SMYD3: variants seen among roughly 807,000 people sequenced by gnomAD.
The protein encoded by SMYD3 is SET and MYND domain containing 3.
Under a neutral mutation model 57.7 loss-of-function variants are expected in SMYD3, and 36 were observed. The ratio of observed to expected loss-of-function variants is 0.62; its 90% CI spans 0.48 to 0.82. The LOEUF (loss-of-function observed/expected upper bound fraction) is 0.82, where lower values mean the gene tolerates loss of function less well. Among genes scored for constraint, SMYD3 ranks in the 40% least tolerant of loss-of-function variants. The pLI is 0.00. For missense variants in SMYD3, 515 were observed against 538.8 expected (o/e 0.96, Z 0.44); for synonymous variants, 211 against 195.0 (o/e 1.08, Z -0.68).
intron 1 of SMYD3, among the ~76,000 whole-genome samples, chr1:246,414,045 G>A (rs1488715389): frequency 6.6e-6 from 1 of 152,174 alleles, no homozygotes; most frequent in African/African-American, 2.4e-5. Flanking sequence ...GTCTGTGGGT[G>A]GAAAGAGGGG....
chr1:246,060,108 CA>C (rs1459362116), intron 5 of SMYD3, among the ~76,000 whole-genome samples: 1 of 151,956 alleles, frequency 6.6e-6, no homozygotes, highest in Non-Finnish European at 1.5e-5. Context: ...GGCAACATTA[CA>C]AGACCTTGTC....
intron 10 of SMYD3, among the ~76,000 whole-genome samples, chr1:245,781,160 T>C (rs2046812519): frequency 6.6e-6 from 1 of 152,284 alleles, no homozygotes; most frequent in South Asian, 2.1e-4. Context: ...TAAAAATGGA[T>C]TGTGAGAATT....
chr1:246,183,589 A>AC (rs1189093215), intron 5 of SMYD3, among the ~76,000 whole-genome samples: 1 of 148,432 alleles, frequency 6.7e-6, no homozygotes, highest in East Asian at 2.0e-4. Flanking sequence ...TCCAGCACCA[A>AC]AAAAAAAAAG....
intron 10 of SMYD3, among the ~76,000 whole-genome samples, chr1:245,829,972 T>C (rs6672718): frequency 0.95 from 144,179 of 152,048 alleles, 68,845 homozygotes; most frequent in East Asian, 1. Context: ...GCTGGGGAGA[T>C]GGGGTATGAC....
intron 5 of SMYD3, among the ~76,000 whole-genome samples, chr1:246,072,761 C>A (rs899132113): frequency 7.9e-5 from 12 of 151,864 alleles, no homozygotes; most frequent in African/African-American, 2.9e-4. Flanking sequence ...CCAGAGGGAA[C>A]AAACACAGAT....
intron 5 of SMYD3, chr1:246,326,469 A>T (rs2065351846): frequency 9.9e-5 from 44 of 446,174 alleles, no homozygotes; most frequent in Non-Finnish European, 1.4e-4. Flanking sequence ...GAATCATTTA[A>T]AAAAAAAAAA....
At chr1:246,076,590 G>C (rs2060551385) in intron 5 of SMYD3, among the ~76,000 whole-genome samples, 1 of 151,740 alleles carries the variant, frequency 6.6e-6, no homozygotes, top group Non-Finnish European at 1.5e-5. Context: ...AGCCAAAATA[G>C]TAAAAAATAA....
chr1:245,763,474 G>A (rs572992677), intron 11 of SMYD3, among the ~76,000 whole-genome samples: 162 of 152,294 alleles, frequency 1.1e-3, no homozygotes, highest in African/African-American at 3.4e-3. Context: ...GTTGTGATGC[G>A]GAGAGCACTT....
intron 5 of SMYD3, among the ~76,000 whole-genome samples, chr1:245,945,436 A>T (rs2057400291): frequency 6.6e-6 from 1 of 152,112 alleles, no homozygotes; most frequent in African/African-American, 2.4e-5. Flanking sequence ...AATCTCACCC[A>T]CTCAGAATGG....
chr1:246,461,834 C>T (rs1436545539), intron 1 of SMYD3, among the ~76,000 whole-genome samples: 1 of 152,066 alleles, frequency 6.6e-6, no homozygotes, highest in African/African-American at 2.4e-5. Context: ...TTCACAGAGC[C>T]ACACACTTTT....
rs188474190 is a variant in SMYD3 at position 245,844,457 on chromosome 1, G to A, written c.1076+14039C>T. Among the ~76,000 whole-genome samples, 275 of 152,284 alleles carry A rather than the reference G, an allele frequency of 1.8e-3. 1 individual carries two copies. The highest frequency in any genetic ancestry group is 5.9e-3 in the Admixed American group (90 of 15,298). Reference sequence around the variant, plus strand: ...TGAACGAAGAAATCCAATTCAAATAGGCTGACGAAGTAAAAATAAAGTTTA... The same window carrying A: ...TGAACGAAGAAATCCAATTCAAATAAGCTGACGAAGTAAAAATAAAGTTTA... On this transcript the variant is annotated intron_variant, in intron 10 of 11. Coordinates refer to ENST00000490107, the MANE Select transcript of SMYD3 (RefSeq NM_001167740.2).
intron 5 of SMYD3, among the ~76,000 whole-genome samples, chr1:245,995,527 A>G (rs903164572): frequency 6.6e-6 from 1 of 152,274 alleles, no homozygotes; most frequent in Non-Finnish European, 1.5e-5. Context: ...TGATATTTCA[A>G]GATATCAATT....
chr1:245,877,456 G>A (rs1021889697), intron 8 of SMYD3, among the ~76,000 whole-genome samples: 9 of 152,212 alleles, frequency 5.9e-5, no homozygotes, highest in African/African-American at 1.2e-4. Context: ...AAATATTTAC[G>A]TGGAAAATAC....
intron 1 of SMYD3, among the ~76,000 whole-genome samples, chr1:246,363,136 C>G (rs2066029242): frequency 6.6e-6 from 1 of 151,342 alleles, no homozygotes; most frequent in Admixed American, 6.6e-5. Context: ...TGAGGAGCCC[C>G]TCCGCCCGGC....
chr1:245,822,968 C>T (rs766264193), intron 10 of SMYD3, among the ~76,000 whole-genome samples: 9 of 152,168 alleles, frequency 5.9e-5, no homozygotes, highest in Non-Finnish European at 1.0e-4. Context: ...TCTTGTCAGT[C>T]CTGAATGGGT....
chr1:246,328,278 T>C (rs78405693), intron 4 of SMYD3, among the ~76,000 whole-genome samples: 1,905 of 152,230 alleles, frequency 0.013, 45 homozygotes, highest in African/African-American at 0.043. Flanking sequence ...AGAAGAAAAG[T>C]TCTAACGCCA....
At position 245,858,782 on chromosome 1, in the gene SMYD3, C is replaced by T. The variant is rs149790930; in HGVS notation, c.902-112G>A. ...CAAGCACAGGAGCGAGGGAAGCACC[C>T]GTTATTTTTCACAGATGAGCTGCCT... On this transcript the variant is annotated intron_variant, in intron 9 of 11. Coordinates refer to ENST00000490107, the MANE Select transcript of SMYD3 (RefSeq NM_001167740.2). 1,075 of 1,090,182 alleles carry T rather than the reference C, an allele frequency of 9.9e-4. 9 individuals are homozygous for T. In the African/African-American group the frequency reaches 0.014, roughly 14 times the overall value. 67.5% of individuals were successfully genotyped at this position (1,090,182 alleles called of 1,614,324 possible).
At chr1:245,941,602 C>A (rs546804306) in intron 5 of SMYD3, among the ~76,000 whole-genome samples, 11 of 152,332 alleles carry the variant, frequency 7.2e-5, no homozygotes, top group African/African-American at 2.4e-4. Context: ...CTCACTACAA[C>A]CTCTGCCTCC....
intron 10 of SMYD3, among the ~76,000 whole-genome samples, chr1:245,823,343 G>C (rs977373237): frequency 1.2e-5 from 1 of 85,360 alleles, no homozygotes; most frequent in South Asian, 4.6e-4. Context: ...GCGCGCTCGT[G>C]CTTGCTCGCT....
Sources: gnomAD v4.1 joint callset for allele counts (sites outside exome capture counted in the v4.1 genomes callset) on GRCh38, gnomAD v4.1.1 for gene constraint, MANE v1.5 for transcripts, NCBI Gene and HGNC (gene_info 2026-07-23, HGNC 2026-07-21) for gene names.